Variants in CTU2 observed in about 807,000 individuals in gnomAD.
CTU2 encodes cytosolic thiouridylase subunit 2, also known as cytoplasmic tRNA 2-thiolation protein 2.
CTU2 carries 80 observed loss-of-function variants against 64.1 expected under a neutral mutation model. That is an observed-to-expected ratio of 1.25 (90% CI 1.04 to 1.50). The LOEUF (loss-of-function observed/expected upper bound fraction) is 1.50, where lower values mean the gene tolerates loss of function less well. CTU2 is among the 40% of genes most tolerant of loss of function. The pLI is 0.00. For missense variants in CTU2, 1,110 were observed against 690.2 expected, an observed-to-expected ratio of 1.61 and a Z score of -6.81; for synonymous variants, 482 against 285.3, an observed-to-expected ratio of 1.69 and a Z score of -6.95.
Position 88,714,942 on chromosome 16 carries a change from C to T in CTU2, c.1419+16C>T, listed in dbSNP as rs752065321. The T allele has an allele frequency of 3.7e-6, 6 of 1,612,206 alleles. No homozygotes were observed. The highest frequency in any genetic ancestry group is 5.1e-6 in the Non-Finnish European group (6 of 1,179,662). Reference sequence around the variant, plus strand: ...GAAGGACTTGGTGAGTACGTGCCCACCTGTCCTGGGCCGGGCTTGGGGACG... The same window carrying T: ...GAAGGACTTGGTGAGTACGTGCCCATCTGTCCTGGGCCGGGCTTGGGGACG... On this transcript the variant is annotated intron_variant, in intron 13 of 14. Transcript: ENST00000453996.
rs752182695 is a variant in CTU2 at position 88,713,718 on chromosome 16, C to G, written c.945C>G (p.Val315=). 1.9e-6 allele frequency: 3 copies of G among 1,612,676 alleles called. No individual in the cohort carries two copies. Among genetic ancestry groups the G allele is most frequent in the Non-Finnish European group, 2.5e-6 (3 of 1,179,900 alleles). The change falls in exon 9 of 15, where the codon GTC becomes GTG. Residue 315 remains valine (V), a synonymous_variant. Transcript: ENST00000453996. ...RPMRDHTLKE[V]AFYNRLFSVP... ...TGCGGGACCACACCCTGAAGGAGGT[C>G]GCTTTCTACAACCGCCTGTTCTCCG...
Position 88,714,732 on chromosome 16 carries a change from C to T in CTU2, c.1347C>T (p.Cys449=), listed in dbSNP as rs2340976. The change falls in exon 12 of 15, where the codon TGC becomes TGT. Residue 449 remains cysteine, a synonymous_variant. Coordinates refer to ENST00000453996, the MANE Select transcript of CTU2 (RefSeq NM_001012759.3). ...GWAQRCGQGA[C]RREDPQACIE... The stretch of plus-strand genomic sequence containing the variant: ...CCCAGCGCTGTGGCCAGGGGGCCTG[C>T]AGGAGGTGAGTCCCTGTCCCTGCCA... 1.8e-3 allele frequency: 2,973 copies of T among 1,607,116 alleles called. 55 individuals carry two copies. The African/African-American group carries it at 0.035, about 19-fold the overall frequency.
chr16:88,710,033 G>A lies in CTU2; in HGVS notation c.222+17G>A, dbSNP rs1403186317. On this transcript the variant is annotated intron_variant, in intron 3 of 14. Coordinates refer to ENST00000453996, the MANE Select transcript of CTU2 (RefSeq NM_001012759.3). The stretch of plus-strand genomic sequence containing the variant: ...GGCGAGAAGGTAGCGTCTGGGTCCT[G>A]GGGGTCTGACTGAGCAGCCTGGCCC... The A allele has an allele frequency of 6.2e-7, 1 of 1,613,300 alleles. No individual in the cohort carries two copies. Among genetic ancestry groups the A allele is most frequent in the South Asian group, 1.1e-5 (1 of 91,074 alleles).
At chr16:88,713,992 C>A in intron 9 of CTU2, 144 bp from the exon 10 acceptor site, 2 of 1,035,546 alleles carry the variant, frequency 1.9e-6, no homozygotes, top group Non-Finnish European at 1.4e-6. Context: ...GAAGCGGGTT[C>A]TCTGGCTGCC....
chr16:88,712,465 C>G, intron 6 of CTU2, 82 bp downstream of exon 6: 1 of 1,451,572 alleles, frequency 6.9e-7, no homozygotes, highest in Non-Finnish European at 9.3e-7. Flanking sequence ...ACTGGCCTCT[C>G]CCTCATCCCA....
In CTU2 at chr16:88,713,785, C is replaced by A. The variant is rs947794707; in HGVS notation, c.1005+7C>A. On this transcript the variant is annotated splice_region_variant and intron_variant, in intron 9 of 14. Transcript: ENST00000453996. The stretch of plus-strand genomic sequence containing the variant: ...ACCAGCCGTCGACACCAAGGTGGGC[C>A]TTGTGGGCTGGGCAACCTCTCTCAC... The A allele has an allele frequency of 2.5e-6, 4 of 1,612,372 alleles. No individual in the cohort carries two copies. In the African/African-American group the frequency reaches 4.0e-5, roughly 16 times the overall value.
Position 88,706,515 on chromosome 16 carries a change from G to A in CTU2, c.-16G>A. 2.1e-6 allele frequency: 3 copies of A among 1,420,932 alleles called. No individual in the cohort carries two copies. Among genetic ancestry groups the A allele is most frequent in the South Asian group, 1.4e-5 (1 of 70,032 alleles). 88.0% of individuals were successfully genotyped at this position (1,420,932 alleles called of 1,614,324 possible). A position where few individuals can be genotyped will look rare whatever the true frequency, so the allele number is the denominator to read the frequency against. On this transcript the variant is annotated 5_prime_UTR_variant, in exon 1 of 15. Transcript: ENST00000453996. ...CGCTGTCGCCGCCACAGTCTGCGACGGGACCCGGCGTGCCCATGTGTCAGG... is the reference window on the plus strand; with the variant it reads ...CGCTGTCGCCGCCACAGTCTGCGACAGGACCCGGCGTGCCCATGTGTCAGG...
intron 1 of CTU2, 64 bp downstream of exon 1, chr16:88,706,662 A>AG: frequency 8.2e-7 from 1 of 1,224,794 alleles, no homozygotes; most frequent in African/African-American, 1.6e-5. Flanking sequence ...CCTGCCCCGA[A>AG]GGGTCCCGGC....
In CTU2 at chr16:88,712,520, C is replaced by G. The variant is rs961920768; in HGVS notation, c.454-102C>G. ...GGGGGTGGGAGGCACCTGCCCGTGC[C>G]CCAGCCTCACTGCCGTCTCCCGCAT... On this transcript the variant is annotated intron_variant, in intron 6 of 14. Coordinates refer to ENST00000453996, the MANE Select transcript of CTU2 (RefSeq NM_001012759.3). The G allele has an allele frequency of 4.6e-6, 7 of 1,510,970 alleles. No homozygotes were observed. The South Asian group carries it at 5.1e-5, about 11-fold the overall frequency. The allele number at this position is 1,510,970 out of a possible 1,614,324, so 93.6% of individuals were successfully genotyped here.
intron 4 of CTU2, 155 bp downstream of exon 4, chr16:88,710,437 A>G: frequency 4.4e-6 from 3 of 677,722 alleles, no homozygotes; most frequent in South Asian, 3.7e-5. Context: ...TGTTCACAAC[A>G]GGTGCACCAA....
intron 4 of CTU2, among the ~76,000 whole-genome samples, chr16:88,711,087 G>C (rs1444464807): frequency 6.6e-6 from 1 of 152,194 alleles, no homozygotes; most frequent in Non-Finnish European, 1.5e-5. Context: ...GTTGAGGAGT[G>C]GGGTGTTGGT....
chr16:88,709,818 G>A lies in CTU2; in HGVS notation c.144-120G>A, dbSNP rs1179328125. On this transcript the variant is annotated intron_variant, in intron 2 of 14. Coordinates refer to ENST00000453996, the MANE Select transcript of CTU2 (RefSeq NM_001012759.3). ...ACCAGTCTCTGGACAGAGCCTGGAT[G>A]TGAAGATGCTGCTTTTAAAGATGGA... The A allele has an allele frequency of 7.0e-6, 6 of 856,674 alleles. No homozygotes were observed. In the East Asian group the frequency reaches 1.2e-4, roughly 17 times the overall value. The allele number at this position is 856,674 out of a possible 1,614,324, so 53.1% of individuals were successfully genotyped here.
At chr16:88,711,760 C>A in intron 5 of CTU2, 65 bp downstream of exon 5, 1 of 1,445,032 alleles carries the variant, frequency 6.9e-7, no homozygotes, top group Non-Finnish European at 9.6e-7. Context: ...GATCCTCCCT[C>A]TGGTGTGGAC....
At chr16:88,714,310 G>C (rs141153247) in intron 10 of CTU2, 73 bp from the exon 11 acceptor site, 9 of 1,600,832 alleles carry the variant, frequency 5.6e-6, no homozygotes, top group Non-Finnish European at 6.0e-6. Context: ...CTCACCACTC[G>C]TGCTCAGGCC....
At position 88,712,296 on chromosome 16, in the gene CTU2, C is replaced by A. The variant is rs1390447281; in HGVS notation, c.366C>A (p.Ser122Arg). ...CAGAGGGAGCAGCCTGTGGCCAGAGCCTAGAGGAGAGATCAAAGACCCTGG... is the reference window on the plus strand; with the variant it reads ...CAGAGGGAGCAGCCTGTGGCCAGAGACTAGAGGAGAGATCAAAGACCCTGG... The part of the protein sequence containing the change: ...FVDEGAACGQ[S>R]LEERSKTLAE... The change falls in exon 6 of 15, where the codon AGC becomes AGA. Residue 122 changes from serine to arginine, a missense_variant. By Grantham distance (110) the Ser-to-Arg change is moderately radical (BLOSUM62 -1). Coordinates refer to ENST00000453996, the MANE Select transcript of CTU2 (RefSeq NM_001012759.3). The A allele has an allele frequency of 6.2e-7, 1 of 1,606,340 alleles. No individual in the cohort carries two copies. Among genetic ancestry groups the A allele is most frequent in the African/African-American group, 1.3e-5 (1 of 74,794 alleles).
rs148549191 is a variant in CTU2, at chr16:88,712,743, G to C, written c.575G>C (p.Gly192Ala). The C allele has an allele frequency of 1.4e-5, 22 of 1,608,978 alleles. No individual in the cohort carries two copies. The highest frequency in any genetic ancestry group is 1.3e-4 in the East Asian group (6 of 44,868). ...CAGCAGCATGTGCTGGGGGCCGGGG[G>C]TGGTCCTGGCCCGACTCAAGGGGAG... ...LQQQHVLGAG[G>A]GPGPTQGEEQ... The change falls in exon 7 of 15, where the codon GGT becomes GCT. Residue 192 changes from glycine (G) to alanine (A), a missense_variant. Physicochemically the swap from Gly to Ala is moderately conservative, Grantham distance 60 (BLOSUM62 0). Transcript: ENST00000453996.
At position 88,714,620 on chromosome 16, in the gene CTU2, C is replaced by G; in HGVS notation, c.1235C>G (p.Ser412Trp). 6.2e-7 allele frequency: 1 copy of G among 1,612,670 alleles called. No individual in the cohort carries two copies. The highest frequency in any genetic ancestry group is 1.1e-5 in the South Asian group (1 of 91,088). The change falls in exon 12 of 15, where the codon TCG becomes TGG. Residue 412 changes from serine (S) to tryptophan (W), a missense_variant. Transcript: ENST00000453996. ...ACGGCTTTTGGGGCTCAGACCTCCT[C>G]GCGTCTCTCCCAGATGCAGTCACCC... ...SATAFGAQTS[S>W]RLSQMQSPIP...
intron 12 of CTU2, 60 bp from the exon 13 acceptor site, chr16:88,714,800 C>T (rs911874307): frequency 9.3e-6 from 15 of 1,610,326 alleles, no homozygotes; most frequent in Non-Finnish European, 1.3e-5. Context: ...CCTGTCCTTA[C>T]CCCACACTGC....
At chr16:88,713,824 G>T (rs758716750) in intron 9 of CTU2, 46 bp downstream of exon 9, 9 of 1,607,720 alleles carry the variant, frequency 5.6e-6, no homozygotes, top group Non-Finnish European at 7.6e-6. Context: ...TGACACCGGG[G>T]TGGGCCATGT....
Sources: gnomAD v4.1 joint callset for allele counts (sites outside exome capture counted in the v4.1 genomes callset) on GRCh38, gnomAD v4.1.1 for gene constraint, MANE v1.5 for transcripts, NCBI Gene and HGNC (gene_info 2026-07-23, HGNC 2026-07-21) for gene names.